MSI2: variants seen among roughly 807,000 people sequenced by gnomAD.
MSI2 encodes the protein RNA-binding protein Musashi homolog 2.
In MSI2, 17 loss-of-function variants were observed where a neutral mutation model predicts 45.6. The observed-to-expected ratio is 0.37, with a 90% CI of 0.26 to 0.56. The LOEUF (loss-of-function observed/expected upper bound fraction) is 0.56, where lower values mean the gene tolerates loss of function less well. MSI2 is among the 20% of genes least tolerant of loss of function. The pLI is 0.77. For synonymous variants in MSI2, 156 were observed against 158.2 expected (o/e 0.99, Z 0.11); for missense variants, 293 against 444.2 (o/e 0.66, Z 3.06).
At chr17:57,351,013 G>A (rs1399597841) in intron 5 of MSI2, among the ~76,000 whole-genome samples, 1 of 152,094 alleles carries the variant, frequency 6.6e-6, no homozygotes, top group Non-Finnish European at 1.5e-5. Flanking sequence ...GAGGGAGCAG[G>A]TACTGAAATT....
At chr17:57,349,654 TAAG>T (rs1458606180) in intron 5 of MSI2, among the ~76,000 whole-genome samples, 1 of 152,226 alleles carries the variant, frequency 6.6e-6, no homozygotes, top group African/African-American at 2.4e-5. Context: ...TAAGAGTACT[TAAG>T]AAGATGAACA....
chr17:57,544,128 T>C (rs1567889880), intron 7 of MSI2, among the ~76,000 whole-genome samples: 1 of 152,128 alleles, frequency 6.6e-6, no homozygotes, highest in East Asian at 1.9e-4. Flanking sequence ...TGTGAGTGTG[T>C]TTGTGTGTAG....
intron 6 of MSI2, among the ~76,000 whole-genome samples, chr17:57,474,360 C>T (rs2085497544): frequency 6.6e-6 from 1 of 152,162 alleles, no homozygotes; most frequent in Non-Finnish European, 1.5e-5. Flanking sequence ...TTGTAAGTGG[C>T]AGAGCTGTTC....
intron 6 of MSI2, among the ~76,000 whole-genome samples, chr17:57,441,760 T>C (rs982218454): frequency 6.6e-6 from 1 of 152,190 alleles, no homozygotes; most frequent in African/African-American, 2.4e-5. Flanking sequence ...GGACATTATG[T>C]AGATTAATTG....
At chr17:57,509,762 G>C (rs957767389) in intron 6 of MSI2, among the ~76,000 whole-genome samples, 11 of 151,770 alleles carry the variant, frequency 7.2e-5, no homozygotes, top group Admixed American at 7.2e-4. Flanking sequence ...CAAACCCAAG[G>C]CATTGCCAAG....
At chr17:57,450,271 G>C (rs2084978764) in intron 6 of MSI2, 2 of 92,292 alleles carry the variant, frequency 2.2e-5, no homozygotes, top group African/African-American at 4.5e-5. Flanking sequence ...AAGAAAGAAA[G>C]AAAGAAAGAA....
chr17:57,685,663 T>C (rs1229756083), downstream of MSI2: 1 of 152,300 alleles, frequency 6.6e-6, no homozygotes, highest in Non-Finnish European at 1.5e-5. Flanking sequence ...CATTCCTTTA[T>C]CTGGAGCTGG....
At chr17:57,485,279 T>C (rs1007652844) in intron 6 of MSI2, among the ~76,000 whole-genome samples, 1 of 152,250 alleles carries the variant, frequency 6.6e-6, no homozygotes, top group Non-Finnish European at 1.5e-5. Flanking sequence ...GAACAGGGAC[T>C]CTGCCCTCAG....
chr17:57,633,959 T>A (rs1285495933), intron 10 of MSI2, among the ~76,000 whole-genome samples: 1 of 152,144 alleles, frequency 6.6e-6, no homozygotes, highest in Non-Finnish European at 1.5e-5. Flanking sequence ...AGAGACTTGC[T>A]AGGACTTCCT....
chr17:57,488,318 A>C (rs2085795823), intron 6 of MSI2, among the ~76,000 whole-genome samples: 1 of 152,208 alleles, frequency 6.6e-6, no homozygotes, highest in South Asian at 2.1e-4. Context: ...TGCTTGAATA[A>C]TGAAAGATAA....
intron 6 of MSI2, among the ~76,000 whole-genome samples, chr17:57,509,651 C>T (rs1480315434): frequency 6.6e-6 from 1 of 152,116 alleles, no homozygotes; most frequent in Non-Finnish European, 1.5e-5. Flanking sequence ...GAACACCTGA[C>T]CTCAGGTGAT....
At chr17:57,271,744 C>CT (rs60803369) in intron 5 of MSI2, among the ~76,000 whole-genome samples, 12,209 of 107,364 alleles carry the variant, frequency 0.11, 1,072 homozygotes, top group African/African-American at 0.24. Flanking sequence ...CCACTGCAAT[C>CT]TTTTTTTTTT....
At chr17:57,402,518 C>G (rs1476708546) in intron 6 of MSI2, among the ~76,000 whole-genome samples, 2 of 152,190 alleles carry the variant, frequency 1.3e-5, no homozygotes. Context: ...TCGTGCTTGC[C>G]ATGGGTACAA....
At chr17:57,389,474 C>T (rs887626285) in intron 5 of MSI2, among the ~76,000 whole-genome samples, 1 of 152,162 alleles carries the variant, frequency 6.6e-6, no homozygotes, top group African/African-American at 2.4e-5. Context: ...CCTGGCTCTC[C>T]CCTGCTAACC....
At chr17:57,386,825 A>G (rs1411608688) in intron 5 of MSI2, among the ~76,000 whole-genome samples, 1 of 152,194 alleles carries the variant, frequency 6.6e-6, no homozygotes, top group Non-Finnish European at 1.5e-5. Flanking sequence ...CACTCAACAA[A>G]TGTTTGTGGA....
intron 7 of MSI2, among the ~76,000 whole-genome samples, chr17:57,575,877 G>A (rs1172806257): frequency 3.3e-5 from 5 of 150,048 alleles, no homozygotes; most frequent in Admixed American, 1.3e-4. Flanking sequence ...TCCAGGAGGC[G>A]GAGCTTGCAG....
intron 6 of MSI2, among the ~76,000 whole-genome samples, chr17:57,473,144 C>T (rs1446916117): frequency 6.6e-6 from 1 of 152,238 alleles, no homozygotes; most frequent in African/African-American, 2.4e-5. Flanking sequence ...CTGCCCGCCT[C>T]AGCCTCCCAA....
At chr17:57,463,376 G>T (rs1368617996) in intron 6 of MSI2, among the ~76,000 whole-genome samples, 1 of 152,086 alleles carries the variant, frequency 6.6e-6, no homozygotes, top group Non-Finnish European at 1.5e-5. Flanking sequence ...GTAAAACCTA[G>T]AGACTTCTCA....
chr17:57,592,446 T>A (rs1404357459), intron 7 of MSI2, among the ~76,000 whole-genome samples: 5 of 152,184 alleles, frequency 3.3e-5, no homozygotes, highest in Non-Finnish European at 7.4e-5. Context: ...TTATTGATAA[T>A]TAAGTGTTCT....
Sources: gnomAD v4.1 joint callset for allele counts (sites outside exome capture counted in the v4.1 genomes callset) on GRCh38, gnomAD v4.1.1 for gene constraint, MANE v1.5 for transcripts, NCBI Gene and HGNC (gene_info 2026-07-23, HGNC 2026-07-21) for gene names.